The following CLGN variants were observed in gnomAD, a reference collection of about 807,000 sequenced individuals.
The protein encoded by CLGN is calmegin, also known as testis tissue sperm-binding protein Li 79P.
Under a neutral mutation model 79.1 loss-of-function variants are expected in CLGN, and 62 were observed. That is an observed-to-expected ratio of 0.78 (90% confidence interval 0.64 to 0.97). The LOEUF (loss-of-function observed/expected upper bound fraction) is 0.97, where lower values mean the gene tolerates loss of function less well. Among genes scored for constraint, CLGN ranks in the 50% least tolerant of loss-of-function variants. The pLI, the probability that CLGN is intolerant of heterozygous loss-of-function variation, is 0.00. For synonymous variants in CLGN, 225 were observed against 224.7 expected, an observed-to-expected ratio of 1.00 and a Z score of -0.01; for missense variants, 647 against 715.5, an observed-to-expected ratio of 0.90 and a Z score of 1.09.
chr4:140,393,114 T>C (rs1728806549), intron 11 of CLGN, among the ~76,000 whole-genome samples: 1 of 152,084 alleles, frequency 6.6e-6, no homozygotes, highest in Non-Finnish European at 1.5e-5. Context: ...TACCTCAGAA[T>C]TGTTTTCTTT....
intron 1 of CLGN, among the ~76,000 whole-genome samples, chr4:140,417,841 G>GA (rs1729375604): frequency 2.0e-5 from 3 of 149,508 alleles, no homozygotes; most frequent in African/African-American, 7.4e-5. Flanking sequence ...CACAGAATTG[G>GA]AAAAAACTAC....
chr4:140,394,161 CTG>C, intron 10 of CLGN, 120 bp from the exon 11 acceptor site: 1 of 661,784 alleles, frequency 1.5e-6, no homozygotes, highest in Admixed American at 2.8e-5. Context: ...AGAATTTTAA[CTG>C]ATATTAATTC....
chr4:140,402,732 G>A (rs1428377736), intron 5 of CLGN, among the ~76,000 whole-genome samples: 1 of 151,794 alleles, frequency 6.6e-6, no homozygotes, highest in Non-Finnish European at 1.5e-5. Flanking sequence ...TTCTTTATTG[G>A]TAACTTTAAA....
chr4:140,402,024 T>C lies in CLGN; in HGVS notation c.462A>G (p.Ala154=), dbSNP rs765676730. ...CAGTGTCTGCTAGGAGTTTAATGTA[T>C]GCACCTCCACAATCAATACCATCTT... ...NFQDGIDCGG[A]YIKLLADTDD... Residue 154 remains alanine (A), a synonymous_variant, in exon 6 of 15, where the codon GCA becomes GCG. Transcript: ENST00000325617. 4 of 1,586,592 alleles carry C rather than the reference T, an allele frequency of 2.5e-6. No homozygotes were observed. The highest frequency in any genetic ancestry group is 2.6e-6 in the Non-Finnish European group (3 of 1,164,302).
intron 10 of CLGN, 88 bp from the exon 11 acceptor site, chr4:140,394,129 C>T (rs1288727967): frequency 1.5e-5 from 13 of 871,984 alleles, no homozygotes; most frequent in East Asian, 2.6e-5. Flanking sequence ...GAATGAAATT[C>T]GCAATGCTAA....
rs746262714 is a variant in CLGN at position 140,410,562 on chromosome 4, C to G, written c.209G>C (p.Arg70Thr). 6 of 1,599,254 alleles carry G rather than the reference C, an allele frequency of 3.8e-6. No homozygotes were observed. In the Admixed American group the frequency reaches 1.0e-4, roughly 27 times the overall value. ...VYFAETFDSG[R>T]LAGWVLSKAK... Reference sequence around the variant, plus strand: ...TTGAATGAATACTCACCCAGCCAACCTTCCACTATCAAAAGTTTCTGCAAA... The same window carrying G: ...TTGAATGAATACTCACCCAGCCAACGTTCCACTATCAAAAGTTTCTGCAAA... The change falls in exon 3 of 15, where the codon AGG becomes ACG. Residue 70 changes from arginine (R) to threonine (T), a missense_variant. Physicochemically the swap from Arg to Thr is moderately conservative, Grantham distance 71. Transcript: ENST00000325617.
intron 1 of CLGN, among the ~76,000 whole-genome samples, chr4:140,414,498 T>TG (rs1461198151): frequency 6.6e-6 from 1 of 150,954 alleles, no homozygotes; most frequent in Admixed American, 6.6e-5. Context: ...TACAGAGAAG[T>TG]GCTTAAAGGA....
chr4:140,407,385 G>A (rs144376998), intron 4 of CLGN, among the ~76,000 whole-genome samples: 80 of 152,074 alleles, frequency 5.3e-4, no homozygotes, highest in African/African-American at 1.8e-3. Context: ...AGGAAGTCAA[G>A]CTATCACTGT....
chr4:140,392,397 G>T lies in CLGN; in HGVS notation c.1492-19C>A. On this transcript the variant is annotated intron_variant, in intron 12 of 14. Coordinates refer to ENST00000325617, the MANE Select transcript of CLGN (RefSeq NM_004362.3). ...GTTTTTTCTGTGGTAGTTAACATAA[G>T]TTATTTTTACTAAAGGCAGAGTGCT... The T allele has an allele frequency of 6.4e-7, 1 of 1,574,392 alleles. No individual in the cohort carries two copies. Among genetic ancestry groups the T allele is most frequent in the Non-Finnish European group, 8.6e-7 (1 of 1,165,440 alleles).
At chr4:140,400,033 AC>A (rs1728968853) in intron 7 of CLGN, among the ~76,000 whole-genome samples, 1 of 152,110 alleles carries the variant, frequency 6.6e-6, no homozygotes, top group East Asian at 1.9e-4. Context: ...CACTGTCACA[AC>A]GTCTAAAATG....
At chr4:140,396,907 G>GTA (rs10640037) in intron 8 of CLGN, among the ~76,000 whole-genome samples, 85,397 of 116,876 alleles carry the variant, frequency 0.73, 30,714 homozygotes, top group Non-Finnish European at 0.82. Context: ...ATATATATAT[G>GTA]TATATATATA....
At chr4:140,418,030 C>A (rs1729380057) in intron 1 of CLGN, among the ~76,000 whole-genome samples, 1 of 152,004 alleles carries the variant, frequency 6.6e-6, no homozygotes, top group Non-Finnish European at 1.5e-5. Flanking sequence ...CAAAACAGAG[C>A]CCTCAGAAAT....
chr4:140,410,466 A>G, intron 3 of CLGN, 87 bp downstream of exon 3: 1 of 846,642 alleles, frequency 1.2e-6, no homozygotes, highest in South Asian at 1.4e-5. Context: ...ATAGATCTGT[A>G]GTAGAGATAA....
Position 140,388,911 on chromosome 4 carries a change from G to A in CLGN, c.*313C>T, listed in dbSNP as rs545099820. ...AACTGATTTTTCCAATAGCAATGAA[G>A]CTGCTACATATTATTTTGTTCTGTA... On this transcript the variant is annotated 3_prime_UTR_variant, in exon 15 of 15. Coordinates refer to ENST00000325617, the MANE Select transcript of CLGN (RefSeq NM_004362.3). 1 of 227,698 alleles carries A rather than the reference G, an allele frequency of 4.4e-6. No homozygotes were observed. Among genetic ancestry groups the A allele is most frequent in the African/African-American group, 2.3e-5 (1 of 44,196 alleles). 14.1% of individuals were successfully genotyped at this position (227,698 alleles called of 1,614,324 possible).
rs781415802 is a variant in CLGN, at chr4:140,394,053, G to A, written c.1150-12C>T. The A allele has an allele frequency of 6.4e-7, 1 of 1,566,336 alleles. No individual in the cohort carries two copies. The highest frequency in any genetic ancestry group is 2.3e-5 in the East Asian group (1 of 44,364). On this transcript the variant is annotated splice_polypyrimidine_tract_variant and intron_variant, in intron 10 of 14. Coordinates refer to ENST00000325617, the MANE Select transcript of CLGN (RefSeq NM_004362.3). Reference sequence around the variant, plus strand: ...GGACTCCAGATTCCCTGGAAGAAAAGTAATTGAAGACATTTTCAAATAAAA... The same window carrying A: ...GGACTCCAGATTCCCTGGAAGAAAAATAATTGAAGACATTTTCAAATAAAA...
chr4:140,399,487 C>A (rs1235662093), intron 7 of CLGN, among the ~76,000 whole-genome samples: 2 of 152,146 alleles, frequency 1.3e-5, no homozygotes, highest in Non-Finnish European at 2.9e-5. Context: ...CCCCCAAATG[C>A]CTAGTTTTTT....
chr4:140,393,745 G>A, intron 11 of CLGN, 81 bp downstream of exon 11: 1 of 1,166,648 alleles, frequency 8.6e-7, no homozygotes, highest in South Asian at 1.4e-5. Flanking sequence ...GCATTTAAAA[G>A]AGCCATCTGA....
intron 8 of CLGN, among the ~76,000 whole-genome samples, chr4:140,396,890 T>TACAC (rs34215026): frequency 1.9e-5 from 1 of 51,504 alleles, no homozygotes; most frequent in South Asian, 7.8e-4. Context: ...TATATATATA[T>TACAC]GTATATATAT....
At chr4:140,413,767 G>A (rs1729264176) in intron 1 of CLGN, among the ~76,000 whole-genome samples, 1 of 152,230 alleles carries the variant, frequency 6.6e-6, no homozygotes. Flanking sequence ...CAAGGCGGCA[G>A]CGAGGCTGGG....
Sources: allele counts gnomAD v4.1 joint callset (sites outside exome capture counted in the v4.1 genomes callset), GRCh38; gene constraint gnomAD v4.1.1; transcripts MANE v1.5; gene names NCBI Gene and HGNC (gene_info 2026-07-23, HGNC 2026-07-21).